LRMDA: variants seen among roughly 807,000 people sequenced by gnomAD.
LRMDA encodes leucine-rich melanocyte differentiation-associated protein.
A neutral mutation model predicts 29.8 loss-of-function variants in LRMDA; 18 were observed. That is an observed-to-expected ratio of 0.60 (90% CI 0.42 to 0.90). The LOEUF is 0.90. Ranked by LOEUF, LRMDA falls within the 40% of genes least tolerant of loss-of-function variation. The pLI, the probability that LRMDA is intolerant of heterozygous loss-of-function variation, is 0.00. For synonymous variants in LRMDA, 125 were observed against 109.4 expected, an observed-to-expected ratio of 1.14 and a Z score of -0.89; for missense variants, 273 against 273.9, an observed-to-expected ratio of 1.00 and a Z score of 0.02.
chr10:75,668,476 T>A (rs552813483), intron 2 of LRMDA, among the ~76,000 whole-genome samples: 24 of 152,186 alleles, frequency 1.6e-4, no homozygotes, highest in African/African-American at 3.4e-4. Context: ...TCAGGAAACA[T>A]TTGTTGGTTG....
intron 5 of LRMDA, among the ~76,000 whole-genome samples, chr10:76,175,073 G>T (rs1006061272): frequency 6.6e-6 from 1 of 152,268 alleles, no homozygotes. Context: ...AGTGAGCCAA[G>T]ATCGCACCAC....
rs182467249 is a variant in LRMDA, at chr10:76,555,496, G to A, written c.602-1713G>A. On this transcript the variant is annotated intron_variant, in intron 6 of 6. Coordinates refer to ENST00000611255, the MANE Select transcript of LRMDA (RefSeq NM_001305581.2). ...TGAGCCCAAGGCCAGCTTTGAGGCC[G>A]TGGAACAATGTCACCCTCTCTCCAT... is the stretch of plus-strand genomic sequence containing the variant. Among the ~76,000 whole-genome samples, 379 of 152,256 alleles carry A rather than the reference G, an allele frequency of 2.5e-3. 2 individuals are homozygous for A. The highest frequency in any genetic ancestry group is 3.2e-3 in the Non-Finnish European group (215 of 68,004).
intron 2 of LRMDA, among the ~76,000 whole-genome samples, chr10:75,769,941 C>A (rs1417851196): frequency 6.6e-6 from 1 of 152,078 alleles, no homozygotes; most frequent in Non-Finnish European, 1.5e-5. Flanking sequence ...CAAGAGTGCA[C>A]CACTGCACTC....
In LRMDA at chr10:76,500,280, C is replaced by G. The variant is rs1178658034; in HGVS notation, c.602-56929C>G. Among the ~76,000 whole-genome samples, 9 of 75,882 alleles carry G rather than the reference C, an allele frequency of 1.2e-4. 1 individual carries two copies. Among genetic ancestry groups the G allele is most frequent in the African/African-American group, 2.9e-4 (9 of 31,204 alleles). The allele number at this position is 75,882 out of a possible 152,430, so 49.8% of individuals were successfully genotyped here. ...CCTTATTTCATTACCATTAGATGGT[C>G]ACTATTGACAATTTGATCTATTTCT... On this transcript the variant is annotated intron_variant, in intron 6 of 6. Transcript: ENST00000611255.
chr10:76,186,070 AT>A (rs5786220), intron 5 of LRMDA, among the ~76,000 whole-genome samples: 48,220 of 151,188 alleles, frequency 0.32, 8,482 homozygotes, highest in East Asian at 0.58. Flanking sequence ...AGCTGGTGGG[AT>A]TTTTTTTTTC....
intron 2 of LRMDA, among the ~76,000 whole-genome samples, chr10:75,522,612 A>G (rs1250318058): frequency 6.6e-6 from 1 of 152,214 alleles, no homozygotes; most frequent in Non-Finnish European, 1.5e-5. Context: ...CTAGTCACCC[A>G]TCCGTGAGTG....
chr10:76,221,859 C>A (rs79151134), intron 5 of LRMDA, among the ~76,000 whole-genome samples: 23,028 of 151,650 alleles, frequency 0.15, 2,378 homozygotes, highest in East Asian at 0.49. Flanking sequence ...CACTACCTGA[C>A]TTCAAACTAT....
At chr10:75,494,302 A>G (rs570746057) in intron 2 of LRMDA, among the ~76,000 whole-genome samples, 9 of 152,238 alleles carry the variant, frequency 5.9e-5, no homozygotes, top group Non-Finnish European at 1.2e-4. Flanking sequence ...TTGGTAATCA[A>G]TCCTTTCTAA....
At chr10:76,371,270 C>A (rs1206712547) in intron 6 of LRMDA, among the ~76,000 whole-genome samples, 2 of 152,130 alleles carry the variant, frequency 1.3e-5, no homozygotes, top group Admixed American at 6.5e-5. Flanking sequence ...CATGAAAATT[C>A]GAGGTAGTGG....
chr10:75,624,375 C>G (rs1841225238), intron 2 of LRMDA, among the ~76,000 whole-genome samples: 1 of 151,904 alleles, frequency 6.6e-6, no homozygotes, highest in Admixed American at 6.6e-5. Context: ...GTCTTTTTAT[C>G]CAGGATAGGT....
intron 2 of LRMDA, among the ~76,000 whole-genome samples, chr10:75,874,398 C>T (rs562751944): frequency 6.6e-6 from 1 of 152,310 alleles, no homozygotes; most frequent in East Asian, 1.9e-4. Context: ...GGCATCTAGA[C>T]ACCTGTGTAA....
intron 2 of LRMDA, among the ~76,000 whole-genome samples, chr10:75,618,339 T>A: frequency 6.9e-6 from 1 of 144,888 alleles, no homozygotes; most frequent in East Asian, 2.0e-4. Flanking sequence ...TATCCTTATG[T>A]AGTTGTCTTT....
At chr10:76,386,181 A>G (rs1198623993) in intron 6 of LRMDA, among the ~76,000 whole-genome samples, 2 of 152,202 alleles carry the variant, frequency 1.3e-5, no homozygotes, top group African/African-American at 4.8e-5. Flanking sequence ...CTTGACAAGG[A>G]TAGGGTCTTC....
chr10:75,854,901 C>A (rs185677249), intron 2 of LRMDA, among the ~76,000 whole-genome samples: 4 of 152,166 alleles, frequency 2.6e-5, no homozygotes, highest in Admixed American at 2.6e-4. Context: ...ATGAACTCAT[C>A]ATTTTTTATG....
chr10:75,976,441 T>G (rs1847071850), intron 2 of LRMDA, among the ~76,000 whole-genome samples: 1 of 152,218 alleles, frequency 6.6e-6, no homozygotes, highest in South Asian at 2.1e-4. Context: ...CACGTATTAT[T>G]ATCTTCACAA....
intron 5 of LRMDA, among the ~76,000 whole-genome samples, chr10:76,110,889 C>T (rs1849566827): frequency 6.6e-6 from 1 of 152,158 alleles, no homozygotes; most frequent in South Asian, 2.1e-4. Flanking sequence ...CCATAGCCTG[C>T]ACCACCATGC....
chr10:75,454,446 A>G (rs1174145364), intron 2 of LRMDA, among the ~76,000 whole-genome samples: 1 of 152,138 alleles, frequency 6.6e-6, no homozygotes, highest in Non-Finnish European at 1.5e-5. Context: ...AGTACTCAGC[A>G]TGCCAAAGCA....
chr10:75,548,363 C>T (rs1471252449), intron 2 of LRMDA, among the ~76,000 whole-genome samples: 1 of 152,154 alleles, frequency 6.6e-6, no homozygotes, highest in Non-Finnish European at 1.5e-5. Flanking sequence ...TCTTTCTATG[C>T]TAGAAGGCCA....
intron 5 of LRMDA, among the ~76,000 whole-genome samples, chr10:76,090,073 A>G (rs1849205391): frequency 6.6e-6 from 1 of 152,178 alleles, no homozygotes; most frequent in Non-Finnish European, 1.5e-5. Context: ...ACTGAGCACC[A>G]GGAGGAGAGA....
Sources: gnomAD v4.1 joint callset for allele counts (sites outside exome capture counted in the v4.1 genomes callset) on GRCh38, gnomAD v4.1.1 for gene constraint, MANE v1.5 for transcripts, NCBI Gene and HGNC (gene_info 2026-07-23, HGNC 2026-07-21) for gene names.